The following ARID3B variants were observed in gnomAD, a reference collection of about 807,000 sequenced individuals.
ARID3B encodes AT-rich interaction domain 3B, also known as AT-rich interactive domain-containing protein 3B.
ARID3B carries 10 observed loss-of-function variants against 51.9 expected under a neutral mutation model. The ratio of observed to expected loss-of-function variants is 0.19; its 90% CI spans 0.12 to 0.33. The LOEUF (loss-of-function observed/expected upper bound fraction) is 0.33, where lower values mean the gene tolerates loss of function less well. Among genes scored for constraint, ARID3B ranks in the 10% least tolerant of loss-of-function variants. The pLI is 1.00. For synonymous variants in ARID3B, 205 were observed against 279.5 expected, an observed-to-expected ratio of 0.73 and a Z score of 2.66; for missense variants, 483 against 716.3, an observed-to-expected ratio of 0.67 and a Z score of 3.72.
intron 7 of ARID3B, among the ~76,000 whole-genome samples, chr15:74,592,559 G>A (rs1204097009): frequency 2.0e-5 from 3 of 152,208 alleles, no homozygotes; most frequent in Admixed American, 6.5e-5. Flanking sequence ...CCCTGCTCCT[G>A]CACAAAGCAA....
intron 2 of ARID3B, among the ~76,000 whole-genome samples, chr15:74,546,514 G>A (rs547741313): frequency 1.6e-4 from 24 of 152,338 alleles, no homozygotes; most frequent in African/African-American, 4.8e-4. Context: ...TTTAAAAAAA[G>A]ACTCTTCAGA....
Position 74,589,893 on chromosome 15 carries a change from C to T in ARID3B, c.771C>T (p.Thr257=), listed in dbSNP as rs777314249. The change falls in exon 5 of 9, where the codon ACC becomes ACT. Residue 257 remains threonine (T), a synonymous_variant. Transcript: ENST00000346246. ...TGTACATGCTGTATAAGCTGGTGACCGAGAAGGGAGGCCTGGTGGAGATCA... is the reference window on the plus strand; with the variant it reads ...TGTACATGCTGTATAAGCTGGTGACTGAGAAGGGAGGCCTGGTGGAGATCA... ...LDLYMLYKLV[T]EKGGLVEIIN... 43 of 1,613,944 alleles carry T rather than the reference C, an allele frequency of 2.7e-5. No individual in the cohort carries two copies. In the South Asian group the frequency reaches 3.5e-4, roughly 13 times the overall value.
At chr15:74,570,003 A>G (rs917826675) in intron 2 of ARID3B, among the ~76,000 whole-genome samples, 31 of 152,184 alleles carry the variant, frequency 2.0e-4, no homozygotes, top group African/African-American at 6.5e-4. Flanking sequence ...GACAGTTCCT[A>G]TCTGTGGAAT....
At chr15:74,565,205 C>A (rs1173169108) in intron 2 of ARID3B, among the ~76,000 whole-genome samples, 1 of 151,986 alleles carries the variant, frequency 6.6e-6, no homozygotes, top group Non-Finnish European at 1.5e-5. Flanking sequence ...CCACCATGCC[C>A]AGCTAATTTT....
At chr15:74,552,840 G>A (rs1368848810) in intron 2 of ARID3B, among the ~76,000 whole-genome samples, 1 of 152,136 alleles carries the variant, frequency 6.6e-6, no homozygotes, top group East Asian at 1.9e-4. Flanking sequence ...ACCTCCTGAA[G>A]GACGTCTTGG....
chr15:74,595,416 C>G (rs1045570785), intron 8 of ARID3B, among the ~76,000 whole-genome samples, 195 bp from the exon 9 acceptor site: 2 of 152,124 alleles, frequency 1.3e-5, no homozygotes, highest in African/African-American at 4.8e-5. Context: ...ACTCTGTCGA[C>G]CTATCTGTCC....
chr15:74,545,262 A>G (rs1007960403), intron 2 of ARID3B, among the ~76,000 whole-genome samples: 3 of 152,222 alleles, frequency 2.0e-5, no homozygotes, highest in Non-Finnish European at 2.9e-5. Flanking sequence ...AAGCACTTGC[A>G]TTGTATATAT....
At position 74,565,170 on chromosome 15, in the gene ARID3B, A is replaced by G. The variant is rs565629104; in HGVS notation, c.553-7692A>G. On this transcript the variant is annotated intron_variant, in intron 2 of 8. Coordinates refer to ENST00000346246, the MANE Select transcript of ARID3B (RefSeq NM_006465.4). ...AGCGCTCCTCCCACCTCATCCTCCC[A>G]AGTAGCTGGGACTATAGGCATGTGC... is the stretch of plus-strand genomic sequence containing the variant. 6.6e-5 allele frequency among the ~76,000 whole-genome samples: 10 copies of G among 152,046 alleles called. No individual in the cohort carries two copies. The South Asian group carries it at 1.9e-3, about 28-fold the overall frequency.
chr15:74,592,877 G>A (rs368085608), intron 7 of ARID3B, among the ~76,000 whole-genome samples: 238 of 152,342 alleles, frequency 1.6e-3, no homozygotes, highest in African/African-American at 5.7e-3. Flanking sequence ...TGGGGCCGGA[G>A]CCGGCCTCCT....
chr15:74,545,505 C>T (rs922544572), intron 2 of ARID3B, among the ~76,000 whole-genome samples: 2 of 152,158 alleles, frequency 1.3e-5, no homozygotes, highest in African/African-American at 4.8e-5. Flanking sequence ...TCAACCAAGC[C>T]TCTTCTCTTT....
At position 74,591,586 on chromosome 15, in the gene ARID3B, C is replaced by T; in HGVS notation, c.1192C>T (p.Pro398Ser). 1 of 1,610,888 alleles carries T rather than the reference C, an allele frequency of 6.2e-7. No homozygotes were observed. Among genetic ancestry groups the T allele is most frequent in the Non-Finnish European group, 8.5e-7 (1 of 1,178,368 alleles). ...KGDGAPVTTV[P>S]VPNRLAVPVT... ...TGATGGAGCCCCAGTGACAACAGTG[C>T]CTGTGCCAAATCGTCTGGCTGTGCC... The change falls in exon 7 of 9, where the codon CCT (proline) becomes TCT (serine). Residue 398 changes from proline to serine, a missense_variant. Transcript: ENST00000346246. The surrounding 1 kb of genome is among the most constrained non-coding windows in gnomAD (Gnocchi z 5.8).
At chr15:74,569,207 C>G (rs2061710445) in intron 2 of ARID3B, among the ~76,000 whole-genome samples, 1 of 152,114 alleles carries the variant, frequency 6.6e-6, no homozygotes, top group African/African-American at 2.4e-5. Flanking sequence ...AGTTAAGAAC[C>G]AAGAAAATAA....
At position 74,597,057 on chromosome 15, in the gene ARID3B, C is replaced by A. The variant is rs2061829446; in HGVS notation, c.*1283C>A. The A allele has an allele frequency of 4.2e-6, 1 of 236,600 alleles. No homozygotes were observed. The highest frequency in any genetic ancestry group is 1.6e-4 in the South Asian group (1 of 6,088). The allele number at this position is 236,600 out of a possible 1,614,324, so 14.7% of individuals were successfully genotyped here. ...CCGTTTTCTGCCACACCCCCACCCC[C>A]AGCTGACCAGGGAGGCAGAGGACAC... On this transcript the variant is annotated 3_prime_UTR_variant, in exon 9 of 9. Coordinates refer to ENST00000346246, the MANE Select transcript of ARID3B (RefSeq NM_006465.4).
chr15:74,548,898 T>G (rs78189502), intron 2 of ARID3B, among the ~76,000 whole-genome samples: 1 of 152,120 alleles, frequency 6.6e-6, no homozygotes, highest in Non-Finnish European at 1.5e-5. Context: ...GGGTTTTTTT[T>G]GCCTATTCTT....
At chr15:74,558,519 T>G (rs1234050818) in intron 2 of ARID3B, among the ~76,000 whole-genome samples, 1 of 152,150 alleles carries the variant, frequency 6.6e-6, no homozygotes, top group Non-Finnish European at 1.5e-5. Context: ...AACTTTATAT[T>G]GGAATTGCTA....
At chr15:74,556,760 C>CTTTTTTTTTTT (rs1390144579) in intron 2 of ARID3B, among the ~76,000 whole-genome samples, 1 of 142,162 alleles carries the variant, frequency 7.0e-6, no homozygotes, top group African/African-American at 2.7e-5. Flanking sequence ...TTCCTTTTTT[C>CTTTTTTTTTTT]TTTTTTTTGT....
In ARID3B at chr15:74,598,060, T is replaced by G. The variant is rs779884015; in HGVS notation, c.*2286T>G. The G allele has an allele frequency of 3.4e-4, 181 of 526,298 alleles. 1 individual carries two copies. In the Middle Eastern group the frequency reaches 9.4e-3, roughly 27 times the overall value. The allele number at this position is 526,298 out of a possible 1,614,324, so 32.6% of individuals were successfully genotyped here. A position where few individuals can be genotyped will look rare whatever the true frequency, so the allele number is the denominator to read the frequency against. On this transcript the variant is annotated 3_prime_UTR_variant, in exon 9 of 9. Transcript: ENST00000346246. ...TGTCCTCCTGCAGCAAGTGTCTATA[T>G]GTTGTGGTTATTTTCTATCTTACAT...
chr15:74,593,472 C>T (rs960828258), intron 8 of ARID3B, among the ~76,000 whole-genome samples: 1 of 152,216 alleles, frequency 6.6e-6, no homozygotes, highest in African/African-American at 2.4e-5. Context: ...CCTTTTAGAC[C>T]AGTGGTTGGC....
intron 3 of ARID3B, 64 bp downstream of exon 3, chr15:74,572,997 T>A: frequency 6.3e-7 from 1 of 1,599,028 alleles, no homozygotes; most frequent in Non-Finnish European, 8.6e-7. Context: ...TACAGCTGAT[T>A]CCCAAGAAAT....
Sources: allele counts gnomAD v4.1 joint callset (sites outside exome capture counted in the v4.1 genomes callset), GRCh38; gene constraint gnomAD v4.1.1; non-coding constraint Gnocchi (gnomAD v3.1); transcripts MANE v1.5; gene names NCBI Gene and HGNC (gene_info 2026-07-23, HGNC 2026-07-21).